Variants in CFAP95 observed in about 807,000 individuals in gnomAD.
CFAP95 encodes cilia- and flagella-associated protein 95.
chr9:69,842,542 T>C, the CFAP95 span, among the ~76,000 whole-genome samples: 1 of 152,236 alleles, frequency 6.6e-6, no homozygotes, highest in African/African-American at 2.4e-5. Context: ...TTTATGATGC[T>C]TTACAGCATA....
At chr9:69,865,833 T>G in the CFAP95 span, among the ~76,000 whole-genome samples, 1 of 152,192 alleles carries the variant, frequency 6.6e-6, no homozygotes. Context: ...GCAAACATCA[T>G]GTAAGTACAT....
At chr9:69,832,936 G>C in the CFAP95 span, among the ~76,000 whole-genome samples, 1 of 151,904 alleles carries the variant, frequency 6.6e-6, no homozygotes, top group Non-Finnish European at 1.5e-5. Context: ...TATTTGCATA[G>C]AGTTATGGAA....
chr9:69,905,295 A>G, the CFAP95 span, among the ~76,000 whole-genome samples: 1 of 152,208 alleles, frequency 6.6e-6, no homozygotes, highest in Non-Finnish European at 1.5e-5. Flanking sequence ...TAAAGCAGAA[A>G]TTAGATAATC....
chr9:69,837,946 A>G, the CFAP95 span, among the ~76,000 whole-genome samples: 62 of 152,238 alleles, frequency 4.1e-4, no homozygotes, highest in Non-Finnish European at 6.9e-4. Flanking sequence ...AGCTTTCTAC[A>G]TATGACTAGC....
chr9:69,855,207 T>C, the CFAP95 span, among the ~76,000 whole-genome samples: 1 of 152,252 alleles, frequency 6.6e-6, no homozygotes, highest in East Asian at 1.9e-4. Context: ...CCACTAATGC[T>C]ATGATTATCT....
chr9:69,829,618 G>A, the CFAP95 span, among the ~76,000 whole-genome samples: 1 of 152,166 alleles, frequency 6.6e-6, no homozygotes, highest in African/African-American at 2.4e-5. Context: ...TTGTTGTAAT[G>A]CTGCTGTAGT....
At chr9:69,823,481 A>G in the CFAP95 span, among the ~76,000 whole-genome samples, 2 of 152,234 alleles carry the variant, frequency 1.3e-5, no homozygotes, top group Admixed American at 1.3e-4. Flanking sequence ...TGTTGCGGCA[A>G]GTGACTTGAC....
At chr9:69,876,556 T>C in the CFAP95 span, among the ~76,000 whole-genome samples, 1 of 152,152 alleles carries the variant, frequency 6.6e-6, no homozygotes, top group Non-Finnish European at 1.5e-5. Context: ...AAAAGAGTTT[T>C]AAAAAATTAA....
the CFAP95 span, among the ~76,000 whole-genome samples, chr9:69,828,828 A>G: frequency 6.6e-6 from 1 of 152,182 alleles, no homozygotes; most frequent in East Asian, 1.9e-4. Context: ...TCTCTTTGCT[A>G]CTTCTACATT....
the CFAP95 span, among the ~76,000 whole-genome samples, chr9:69,842,861 G>A: frequency 6.2e-4 from 95 of 152,262 alleles, no homozygotes; most frequent in African/African-American, 2.2e-3. Context: ...TTTGCTTGCC[G>A]CCCCACCTTG....
At chr9:69,878,759 A>C in the CFAP95 span, among the ~76,000 whole-genome samples, 1 of 152,190 alleles carries the variant, frequency 6.6e-6, no homozygotes, top group Non-Finnish European at 1.5e-5. Context: ...TTGCATTGCT[A>C]TAAAGAAATC....
At chr9:69,881,212 T>C in the CFAP95 span, among the ~76,000 whole-genome samples, 493 of 152,306 alleles carry the variant, frequency 3.2e-3, 5 homozygotes, top group African/African-American at 0.011. Context: ...CCTGTGCTTG[T>C]GGAGTATTGC....
At chr9:69,820,924 G>A in the CFAP95 span, 75 of 1,614,050 alleles carry the variant, frequency 4.6e-5, 2 homozygotes, top group South Asian at 7.9e-4. Flanking sequence ...GCGACAGGAA[G>A]CAACACTGGT....
At chr9:69,857,815 A>T in the CFAP95 span, 1 of 1,123,878 alleles carries the variant, frequency 8.9e-7, no homozygotes, top group Non-Finnish European at 1.3e-6. Context: ...GGCGTGAGCC[A>T]CTGCGCCCAG....
the CFAP95 span, among the ~76,000 whole-genome samples, chr9:69,871,651 T>C: frequency 6.6e-6 from 1 of 151,844 alleles, no homozygotes. Flanking sequence ...TGAGATTGAT[T>C]CCTAGGCTTC....
At chr9:69,852,293 T>G in the CFAP95 span, among the ~76,000 whole-genome samples, 1 of 152,158 alleles carries the variant, frequency 6.6e-6, no homozygotes, top group African/African-American at 2.4e-5. Context: ...AGCTCCTCCT[T>G]TATTCCAAGT....
chr9:69,837,300 C>T, the CFAP95 span, among the ~76,000 whole-genome samples: 7 of 152,068 alleles, frequency 4.6e-5, no homozygotes, highest in African/African-American at 9.7e-5. Context: ...CCTGAGGAAT[C>T]GCCACACTGA....
chr9:69,897,809 G>A, the CFAP95 span, among the ~76,000 whole-genome samples: 1 of 152,098 alleles, frequency 6.6e-6, no homozygotes, highest in African/African-American at 2.4e-5. Context: ...TGATGTAAGT[G>A]GTAAAACCAT....
At chr9:69,873,706 T>C in the CFAP95 span, among the ~76,000 whole-genome samples, 6,180 of 152,308 alleles carry the variant, frequency 0.041, 389 homozygotes, top group African/African-American at 0.14. Context: ...GGTGAATACA[T>C]GTCACATGCC....
Sources: gnomAD v4.1 joint callset for allele counts (sites outside exome capture counted in the v4.1 genomes callset) on GRCh38, gnomAD v4.1.1 for gene constraint, MANE v1.5 for transcripts, NCBI Gene and HGNC (gene_info 2026-07-23, HGNC 2026-07-21) for gene names.